KDM4C: variants seen among roughly 807,000 people sequenced by gnomAD.
KDM4C encodes the protein lysine demethylase 4C.
KDM4C carries 81 observed loss-of-function variants against 129.3 expected under a neutral mutation model. The ratio of observed to expected loss-of-function variants is 0.63; its 90% CI spans 0.52 to 0.75. KDM4C has a LOEUF of 0.75. Ranked by LOEUF, KDM4C falls within the 30% of genes least tolerant of loss-of-function variation. KDM4C has a pLI of 0.00. For missense variants in KDM4C, 1,457 were observed against 1,304.0 expected, an observed-to-expected ratio of 1.12 and a Z score of -1.81; for synonymous variants, 573 against 456.1, an observed-to-expected ratio of 1.26 and a Z score of -3.26.
At chr9:6,851,037 G>T (rs1039312218) in intron 5 of KDM4C, among the ~76,000 whole-genome samples, 1 of 152,246 alleles carries the variant, frequency 6.6e-6, no homozygotes, top group African/African-American at 2.4e-5. Context: ...TTACAGGCGT[G>T]AGCCACCACG....
At chr9:7,078,880 A>G (rs1399450903) in intron 17 of KDM4C, among the ~76,000 whole-genome samples, 1 of 152,220 alleles carries the variant, frequency 6.6e-6, no homozygotes, top group African/African-American at 2.4e-5. Context: ...TGTAACATGT[A>G]GTTGTACTCA....
At chr9:6,805,334 A>G (rs1454327748) in intron 2 of KDM4C, among the ~76,000 whole-genome samples, 1 of 152,198 alleles carries the variant, frequency 6.6e-6, no homozygotes, top group Non-Finnish European at 1.5e-5. Context: ...TTTCAATTTT[A>G]TCTTTAAAAT....
Position 6,731,635 on chromosome 9 carries a change from C to G in KDM4C, c.49+10638C>G, listed in dbSNP as rs559264935. Among the ~76,000 whole-genome samples, 4 of 152,138 alleles carry G rather than the reference C, an allele frequency of 2.6e-5. No individual in the cohort carries two copies. In the South Asian group the frequency reaches 6.2e-4, roughly 24 times the overall value. The stretch of plus-strand genomic sequence containing the variant: ...GCATGAGCCACTGCGCCCGGCCAAG[C>G]AACTCCATTTTTGTTTGGTTTGGTC... On this transcript the variant is annotated intron_variant, in intron 1 of 17. Transcript: ENST00000536108.
intron 12 of KDM4C, among the ~76,000 whole-genome samples, chr9:7,005,328 G>A (rs1037956137): frequency 2.0e-5 from 3 of 151,816 alleles, no homozygotes; most frequent in Admixed American, 2.0e-4. Flanking sequence ...CCAGCTACTC[G>A]GGAGGCTGAG....
At chr9:7,049,967 T>C (rs969165321) in intron 17 of KDM4C, among the ~76,000 whole-genome samples, 2 of 151,580 alleles carry the variant, frequency 1.3e-5, no homozygotes, top group East Asian at 2.0e-4. Context: ...CCTGAGTCGT[T>C]GTTATTTTCC....
intron 5 of KDM4C, among the ~76,000 whole-genome samples, chr9:6,874,555 A>G (rs1244716899): frequency 6.6e-6 from 1 of 152,140 alleles, no homozygotes; most frequent in African/African-American, 2.4e-5. Context: ...TTTTCATTTT[A>G]TAACGGAATT....
chr9:6,761,617 G>T (rs1819521648), intron 1 of KDM4C, among the ~76,000 whole-genome samples: 1 of 151,886 alleles, frequency 6.6e-6, no homozygotes, highest in Non-Finnish European at 1.5e-5. Context: ...ACTGCACCTG[G>T]CCTGATCATC....
At chr9:6,947,429 A>G (rs1475213689) in intron 8 of KDM4C, among the ~76,000 whole-genome samples, 2 of 152,046 alleles carry the variant, frequency 1.3e-5, no homozygotes, top group African/African-American at 4.8e-5. Flanking sequence ...CTATAAGAAG[A>G]GCTGTTTGTT....
At chr9:6,959,546 C>G (rs1271761905) in intron 8 of KDM4C, among the ~76,000 whole-genome samples, 4 of 152,168 alleles carry the variant, frequency 2.6e-5, no homozygotes, top group African/African-American at 9.7e-5. Flanking sequence ...ACTGCAAGAG[C>G]CAGCTGGTAG....
intron 11 of KDM4C, among the ~76,000 whole-genome samples, chr9:6,988,333 A>G (rs1317174543): frequency 6.6e-6 from 1 of 152,138 alleles, no homozygotes; most frequent in African/African-American, 2.4e-5. Flanking sequence ...AGTAATTCTC[A>G]GATTTCTTTG....
chr9:7,046,808 A>G (rs985359349), intron 15 of KDM4C, 54 bp from the exon 16 acceptor site: 9 of 1,162,942 alleles, frequency 7.7e-6, no homozygotes, highest in South Asian at 2.5e-5. Context: ...ATGAATGGTA[A>G]TGACTTTTGT....
intron 8 of KDM4C, among the ~76,000 whole-genome samples, chr9:6,928,110 G>A (rs1822968569): frequency 1.3e-5 from 2 of 152,032 alleles, no homozygotes; most frequent in South Asian, 4.2e-4. Flanking sequence ...TTTTATCAAG[G>A]TCGTCTCTAG....
intron 15 of KDM4C, among the ~76,000 whole-genome samples, chr9:7,033,241 A>T (rs1177381862): frequency 6.6e-6 from 1 of 152,096 alleles, no homozygotes; most frequent in African/African-American, 2.4e-5. Context: ...TACAAAGTAA[A>T]ACTAGTGGAA....
intron 8 of KDM4C, among the ~76,000 whole-genome samples, chr9:6,923,917 C>G (rs991679721): frequency 4.6e-5 from 7 of 152,266 alleles, no homozygotes; most frequent in African/African-American, 1.4e-4. Context: ...TGAGAAGAGA[C>G]CGATGCTTAT....
intron 18 of KDM4C, among the ~76,000 whole-genome samples, chr9:7,123,684 G>A (rs1839740543): frequency 6.6e-6 from 1 of 152,230 alleles, no homozygotes; most frequent in African/African-American, 2.4e-5. Context: ...AAAGAGTCAT[G>A]TGGCCAGGGT....
Position 6,995,888 on chromosome 9 carries a change from G to C in KDM4C, c.1786+5364G>C, listed in dbSNP as rs543374408. On this transcript the variant is annotated intron_variant, in intron 12 of 21. Coordinates refer to ENST00000381309, the MANE Select transcript of KDM4C (RefSeq NM_015061.6). Reference sequence around the variant, plus strand: ...GGGTTTCACTGTGTTAGCCAGGATGGTCTCGATCTGACCTCGTGATCTGCC... The same window carrying C: ...GGGTTTCACTGTGTTAGCCAGGATGCTCTCGATCTGACCTCGTGATCTGCC... 1.2e-3 allele frequency among the ~76,000 whole-genome samples: 157 copies of C among 134,336 alleles called. 6 individuals are homozygous for C. The South Asian group carries it at 0.029, about 24-fold the overall frequency. 88.1% of individuals were successfully genotyped at this position (134,336 alleles called of 152,430 possible).
intron 12 of KDM4C, among the ~76,000 whole-genome samples, chr9:7,011,276 T>C (rs1822641431): frequency 6.6e-6 from 1 of 152,174 alleles, no homozygotes; most frequent in Non-Finnish European, 1.5e-5. Flanking sequence ...CTATGTTAGA[T>C]GAAGAAAGTA....
At chr9:6,777,801 A>G (rs1274992212) in intron 1 of KDM4C, among the ~76,000 whole-genome samples, 1 of 152,082 alleles carries the variant, frequency 6.6e-6, no homozygotes, top group Admixed American at 6.6e-5. Flanking sequence ...GTAATTGGAA[A>G]CTGAAATGGT....
At chr9:6,792,728 A>T (rs1224616165) in intron 1 of KDM4C, among the ~76,000 whole-genome samples, 5 of 152,162 alleles carry the variant, frequency 3.3e-5, no homozygotes. Flanking sequence ...GAGGAGGCTA[A>T]CAGTATAGTC....
Sources: allele counts gnomAD v4.1 joint callset (sites outside exome capture counted in the v4.1 genomes callset), GRCh38; gene constraint gnomAD v4.1.1; transcripts MANE v1.5; gene names NCBI Gene and HGNC (gene_info 2026-07-23, HGNC 2026-07-21).